The following ATG4D variants were observed in gnomAD, a reference collection of about 807,000 sequenced individuals.
ATG4D encodes the protein cysteine protease ATG4D.
Under a neutral mutation model 55.2 loss-of-function variants are expected in ATG4D, and 51 were observed. That is an observed-to-expected ratio of 0.92 (90% CI 0.74 to 1.17). ATG4D has a LOEUF of 1.17. Ranked by LOEUF, ATG4D falls within the 50% of genes most tolerant of loss-of-function variation. The probability of loss-of-function intolerance (pLI) is 0.00; values close to 1 mark genes in which losing one functional copy is unlikely to be tolerated. For missense variants in ATG4D, 635 were observed against 649.6 expected, an observed-to-expected ratio of 0.98 and a Z score of 0.25; for synonymous variants, 268 against 266.2, an observed-to-expected ratio of 1.01 and a Z score of -0.07.
Position 10,551,984 on chromosome 19 carries a change from A to ACCCCCCCCCCCCCCCCCC in ATG4D, c.1045+14_1045+15insCCCCCCCCCCCCCCCCCC. ...CTTCATTGGCTACCAAGGTAGGCCCACCCCCTCCTCACTCCTCCCACCCCC... is the reference window on the plus strand; with the variant it reads ...CTTCATTGGCTACCAAGGTAGGCCCACCCCCCCCCCCCCCCCCCCCCCCTCCTCACTCCTCCCACCCCC... On this transcript the variant is annotated intron_variant, in intron 7 of 9. Transcript: ENST00000309469. The ACCCCCCCCCCCCCCCCCC allele has an allele frequency of 7.9e-7, 1 of 1,261,652 alleles. No homozygotes were observed. Among genetic ancestry groups the ACCCCCCCCCCCCCCCCCC allele is most frequent in the Non-Finnish European group, 1.1e-6 (1 of 907,340 alleles). The allele number at this position is 1,261,652 out of a possible 1,614,324, so 78.2% of individuals were successfully genotyped here. A position where few individuals can be genotyped will look rare whatever the true frequency, so the allele number is the denominator to read the frequency against.
chr19:10,546,546 G>T (rs150109720), intron 3 of ATG4D, among the ~76,000 whole-genome samples: 4,007 of 151,404 alleles, frequency 0.026, 68 homozygotes, highest in Non-Finnish European at 0.044. Context: ...CAGAGAAGGG[G>T]TTTCACCATG....
In ATG4D at chr19:10,547,015, C is replaced by G. The variant is rs199992356; in HGVS notation, c.670C>G (p.Arg224Gly). ...QIVSWFADHP[R>G]APFGLHRLVE... ...TGTGTCCTGGTTCGCCGACCACCCC[C>G]GGGCCCCCTTTGGCCTACACCGGCT... The change falls in exon 4 of 10, where the codon CGG becomes GGG. Residue 224 changes from arginine to glycine, a missense_variant. Physicochemically the swap from Arg to Gly is moderately radical, Grantham distance 125. Transcript: ENST00000309469. The G allele has an allele frequency of 6.3e-7, 1 of 1,587,282 alleles. No individual in the cohort carries two copies. Among genetic ancestry groups the G allele is most frequent in the Admixed American group, 1.9e-5 (1 of 53,796 alleles).
At chr19:10,547,301 C>G (rs751356716) in intron 5 of ATG4D, 48 bp downstream of exon 5, 9 of 1,593,194 alleles carry the variant, frequency 5.6e-6, no homozygotes, top group Non-Finnish European at 8.6e-7. Context: ...CTGAGCCAGA[C>G]TCTGCCTTAC....
chr19:10,545,258 A>C (rs1915997639), intron 3 of ATG4D, 128 bp downstream of exon 3: 9 of 1,272,422 alleles, frequency 7.1e-6, no homozygotes, highest in Non-Finnish European at 7.5e-6. Flanking sequence ...AGTTTTGGAG[A>C]GATGAGAGTT....
In ATG4D at chr19:10,547,107, C is replaced by T. The variant is rs1195858199; in HGVS notation, c.762C>T (p.His254=). 1.9e-6 allele frequency: 3 copies of T among 1,604,882 alleles called. No individual in the cohort carries two copies. The highest frequency in any genetic ancestry group is 8.5e-7 in the Non-Finnish European group (1 of 1,175,808). ...GGTATGGGCCATCGCTAGTGGCACACATCCTCAGGTGAGGGCTGCTGCAGG... is the reference window on the plus strand; with the variant it reads ...GGTATGGGCCATCGCTAGTGGCACATATCCTCAGGTGAGGGCTGCTGCAGG... ...GDWYGPSLVA[H]ILRKAVESCS... is the part of the protein sequence containing the mutation. The change falls in exon 4 of 10, where the codon CAC becomes CAT. Residue 254 remains histidine (H), a synonymous_variant. Transcript: ENST00000309469.
In ATG4D at chr19:10,551,892, T is replaced by C; in HGVS notation, c.967-5T>C. 6.2e-7 allele frequency: 1 copy of C among 1,613,800 alleles called. No homozygotes were observed. Among genetic ancestry groups the C allele is most frequent in the Non-Finnish European group, 8.5e-7 (1 of 1,179,936 alleles). On this transcript the variant is annotated splice_region_variant and splice_polypyrimidine_tract_variant and intron_variant, in intron 6 of 9. Transcript: ENST00000309469. ...GACAGCACCTGCCTACCCTCCTCCC[T>C]GCAGGAACTCCTGCGTTGCGAGCTG...
intron 6 of ATG4D, among the ~76,000 whole-genome samples, chr19:10,549,543 A>G (rs1287594650): frequency 3.3e-5 from 5 of 152,080 alleles, no homozygotes; most frequent in Non-Finnish European, 7.4e-5. Flanking sequence ...TCAGTCTCCC[A>G]GGTAGCTGGG....
At chr19:10,548,003 ATTTTTTTTTTTTTTTTTTTTTT>A (rs60924749) in intron 5 of ATG4D, among the ~76,000 whole-genome samples, 110 of 34,978 alleles carry the variant, frequency 3.1e-3, no homozygotes, top group Non-Finnish European at 3.3e-3. Flanking sequence ...AGCCCCTGTA[ATTTTTTTTTTTTTTTTTTTTTT>A]TTTTTTTTTT....
Position 10,553,343 on chromosome 19 carries a change from G to A in ATG4D, c.*276G>A, listed in dbSNP as rs1483404492. ...TCACGTACTGTAGTTTGCACTGGAC[G>A]CCCGGGCCCTCCCTGTCCCAAAGCC... On this transcript the variant is annotated 3_prime_UTR_variant, in exon 10 of 10. Transcript: ENST00000309469. 2 of 365,770 alleles carry A rather than the reference G, an allele frequency of 5.5e-6. No homozygotes were observed. Among genetic ancestry groups the A allele is most frequent in the South Asian group, 6.0e-5 (1 of 16,710 alleles). The allele number at this position is 365,770 out of a possible 1,614,324, so 22.7% of individuals were successfully genotyped here.
rs1419871571 is a variant in ATG4D, at chr19:10,546,775, G to A, written c.494-64G>A. 2.0e-6 allele frequency: 3 copies of A among 1,488,224 alleles called. No homozygotes were observed. In the East Asian group the frequency reaches 6.9e-5, roughly 34 times the overall value. 92.2% of individuals were successfully genotyped at this position (1,488,224 alleles called of 1,614,324 possible). On this transcript the variant is annotated intron_variant, in intron 3 of 9. Transcript: ENST00000309469. The stretch of plus-strand genomic sequence containing the variant: ...AGCATTCGCATTGTGTGCGGTGCAT[G>A]TGTAGATGGGACCTCTGCCCCCCAC...
intron 3 of ATG4D, among the ~76,000 whole-genome samples, chr19:10,546,138 T>A (rs1477780404): frequency 6.6e-6 from 1 of 151,764 alleles, no homozygotes; most frequent in Non-Finnish European, 1.5e-5. Flanking sequence ...CTAGGCCACA[T>A]GACAAGGCTC....
At position 10,553,200 on chromosome 19, in the gene ATG4D, T is replaced by C; in HGVS notation, c.*133T>C. The C allele has an allele frequency of 8.7e-7, 1 of 1,144,986 alleles. No homozygotes were observed. Among genetic ancestry groups the C allele is most frequent in the South Asian group, 1.6e-5 (1 of 62,310 alleles). The allele number at this position is 1,144,986 out of a possible 1,614,324, so 70.9% of individuals were successfully genotyped here. A position where few individuals can be genotyped will look rare whatever the true frequency, so the allele number is the denominator to read the frequency against. The stretch of plus-strand genomic sequence containing the variant: ...GCCCCTCAAGCCCAGCTGCAACCAG[T>C]CTGGGGCCATTCAGCCAGGGACAGA... On this transcript the variant is annotated 3_prime_UTR_variant, in exon 10 of 10. Transcript: ENST00000309469.
intron 3 of ATG4D, among the ~76,000 whole-genome samples, chr19:10,546,073 C>T (rs1225669086): frequency 6.6e-6 from 1 of 151,966 alleles, no homozygotes; most frequent in Non-Finnish European, 1.5e-5. Context: ...GTAATCCCAG[C>T]ACATTAGGAG....
intron 5 of ATG4D, among the ~76,000 whole-genome samples, chr19:10,548,296 G>A: frequency 6.6e-6 from 1 of 151,872 alleles, no homozygotes; most frequent in East Asian, 1.9e-4. Context: ...GCCTCCCAAA[G>A]TGCTGGGATT....
chr19:10,544,005 C>A lies in ATG4D; in HGVS notation c.-86C>A, dbSNP rs904842420. 8.6e-6 allele frequency: 8 copies of A among 933,528 alleles called. No homozygotes were observed. The African/African-American group carries it at 1.2e-4, about 14-fold the overall frequency. 57.8% of individuals were successfully genotyped at this position (933,528 alleles called of 1,614,324 possible). A position where few individuals can be genotyped will look rare whatever the true frequency, so the allele number is the denominator to read the frequency against. ...GGGGCCGAGTAGCGCCTTCCCCGGG[C>A]CCCGTGAACCGGCTGCGGGTCGCCC... On this transcript the variant is annotated 5_prime_UTR_variant, in exon 1 of 10. Coordinates refer to ENST00000309469, the MANE Select transcript of ATG4D (RefSeq NM_032885.6).
intron 9 of ATG4D, 83 bp downstream of exon 9, chr19:10,552,407 C>A: frequency 6.7e-7 from 1 of 1,496,678 alleles, no homozygotes; most frequent in South Asian, 1.3e-5. Flanking sequence ...GCCTCGAGTC[C>A]AGCAGAGCTG....
At chr19:10,551,771 G>A in intron 6 of ATG4D, 126 bp from the exon 7 acceptor site, 1 of 775,194 alleles carries the variant, frequency 1.3e-6, no homozygotes. Flanking sequence ...GTCAGCTCCT[G>A]AGGGCAAGGG....
intron 6 of ATG4D, 143 bp from the exon 7 acceptor site, chr19:10,551,754 C>T (rs930114302): frequency 4.5e-6 from 3 of 668,670 alleles, no homozygotes; most frequent in Admixed American, 4.8e-5. Flanking sequence ...GTCTCTCACA[C>T]TAGGATGTCA....
intron 9 of ATG4D, 34 bp from the exon 10 acceptor site, chr19:10,552,850 GT>G: frequency 6.3e-7 from 1 of 1,583,584 alleles, no homozygotes; most frequent in Non-Finnish European, 8.6e-7. Context: ...GCTTGGCACT[GT>G]TTGTGGCTGA....
Sources: allele counts gnomAD v4.1 joint callset (sites outside exome capture counted in the v4.1 genomes callset), GRCh38; gene constraint gnomAD v4.1.1; transcripts MANE v1.5; gene names NCBI Gene and HGNC (gene_info 2026-07-23, HGNC 2026-07-21).